The following RSRP1 variants were observed in gnomAD, a reference collection of about 807,000 sequenced individuals.
RSRP1 encodes arginine/serine-rich protein 1.
Under a neutral mutation model 33.0 loss-of-function variants are expected in RSRP1, and 37 were observed. The observed-to-expected ratio is 1.12, with a 90% CI of 0.86 to 1.48. RSRP1 has a LOEUF of 1.48. Among genes scored for constraint, RSRP1 ranks in the 40% most tolerant of loss-of-function variants. The pLI is 0.00. For synonymous variants in RSRP1, 167 were observed against 158.7 expected (o/e 1.05, Z -0.40); for missense variants, 402 against 385.3 (o/e 1.04, Z -0.36).
chr1:25,242,743 C>A (rs760881915), intron 4 of RSRP1, 38 bp from the exon 5 acceptor site: 1 of 1,334,958 alleles, frequency 7.5e-7, no homozygotes, highest in South Asian at 1.2e-5. Context: ...CCCAAACATA[C>A]ATTGTACACT....
At chr1:25,270,830 A>G (rs28435299) in intron 1 of RSRP1, among the ~76,000 whole-genome samples, 117,086 of 129,614 alleles carry the variant, frequency 0.9, 55,410 homozygotes, top group East Asian at 1. Context: ...TATGTAAAGT[A>G]CTTAGAATGG....
At chr1:25,276,255 G>A (rs1557511834) in intron 1 of RSRP1, among the ~76,000 whole-genome samples, 1 of 130,002 alleles carries the variant, frequency 7.7e-6, no homozygotes, top group Admixed American at 7.5e-5. Flanking sequence ...CATGATATCT[G>A]GGGTTTGCTT....
At chr1:25,245,087 G>C in intron 3 of RSRP1, 63 bp downstream of exon 3, 2 of 1,613,472 alleles carry the variant, frequency 1.2e-6, no homozygotes. Context: ...AGATATAAGT[G>C]GCTAATCAGA....
upstream of RSRP1, chr1:25,247,869 C>T (rs1026410381): frequency 1.3e-5 from 2 of 150,684 alleles, no homozygotes; most frequent in Non-Finnish European, 2.9e-5. Context: ...CGCAGCCGGG[C>T]TCGGAGCTGG....
In RSRP1 at chr1:25,261,530, G is replaced by A. The variant is rs1330847323; in HGVS notation, c.-66-14501C>T. Among the ~76,000 whole-genome samples, 5 of 150,800 alleles carry A rather than the reference G, an allele frequency of 3.3e-5. No individual in the cohort carries two copies. The East Asian group carries it at 5.9e-4, about 18-fold the overall frequency. On this transcript the variant is annotated intron_variant, in intron 1 of 1. Coordinates refer to the RSRP1 transcript ENST00000561867. ...CGCCATTCTCTTGCCTCAGTCTCCC[G>A]AGTAGCTGGGCCTACAGGCGCCCGC...
chr1:25,323,594 G>A (rs1644829612), intron 1 of RSRP1, among the ~76,000 whole-genome samples: 1 of 123,580 alleles, frequency 8.1e-6, no homozygotes, highest in African/African-American at 2.8e-5. Flanking sequence ...TGAGTAGCTA[G>A]GACCACAGGT....
In RSRP1 at chr1:25,242,807, T is replaced by G. The variant is rs1046128898; in HGVS notation, c.757-102A>C. 23 of 844,248 alleles carry G rather than the reference T, an allele frequency of 2.7e-5. No homozygotes were observed. In the African/African-American group the frequency reaches 3.7e-4, roughly 14 times the overall value. 52.3% of individuals were successfully genotyped at this position (844,248 alleles called of 1,614,324 possible). A position where few individuals can be genotyped will look rare whatever the true frequency, so the allele number is the denominator to read the frequency against. ...ATCCCATGTATGAGCCTTAGAGATATTATCAATTGCTGGGCGCGGTGGCTC... is the reference window on the plus strand; with the variant it reads ...ATCCCATGTATGAGCCTTAGAGATAGTATCAATTGCTGGGCGCGGTGGCTC... On this transcript the variant is annotated intron_variant, in intron 4 of 4. Transcript: ENST00000243189.
intron 1 of RSRP1, among the ~76,000 whole-genome samples, chr1:25,257,564 G>A (rs886433332): frequency 1.3e-5 from 2 of 151,498 alleles, no homozygotes; most frequent in African/African-American, 2.4e-5. Context: ...GGTTTATTGT[G>A]GGGAATTTTG....
chr1:25,243,445 G>T, intron 4 of RSRP1, 105 bp downstream of exon 4: 2 of 1,369,446 alleles, frequency 1.5e-6, no homozygotes, highest in Non-Finnish European at 2.0e-6. Context: ...TATTTAAAAA[G>T]TGTGTCAGTA....
At chr1:25,244,668 G>A (rs1557482836) in intron 3 of RSRP1, 1 of 1,202,784 alleles carries the variant, frequency 8.3e-7, no homozygotes, top group Non-Finnish European at 1.1e-6. Context: ...AGAGTACACT[G>A]TTAACTGAAA....
At chr1:25,255,288 C>T (rs935566897) in intron 1 of RSRP1, among the ~76,000 whole-genome samples, 2 of 152,166 alleles carry the variant, frequency 1.3e-5, no homozygotes, top group Non-Finnish European at 2.9e-5. Context: ...CCTGCTCCCC[C>T]CAAATCCTTT....
At chr1:25,262,502 G>T (rs370971811) in intron 1 of RSRP1, among the ~76,000 whole-genome samples, 1 of 152,176 alleles carries the variant, frequency 6.6e-6, no homozygotes, top group Non-Finnish European at 1.5e-5. Context: ...CGGATACATA[G>T]ATATATAAAA....
In RSRP1 at chr1:25,267,714, C is replaced by T. The variant is rs1293611425; in HGVS notation, c.-66-20685G>A. 61 of 132,536 alleles carry T rather than the reference C, an allele frequency of 4.6e-4. 10 individuals are homozygous for T. Among genetic ancestry groups the T allele is most frequent in the African/African-American group, 1.5e-3 (58 of 38,754 alleles). The allele number at this position is 132,536 out of a possible 1,614,324, so 8.2% of individuals were successfully genotyped here. A position where few individuals can be genotyped will look rare whatever the true frequency, so the allele number is the denominator to read the frequency against. On this transcript the variant is annotated intron_variant, in intron 1 of 1. Coordinates refer to the RSRP1 transcript ENST00000561867. ...ACCCCTGAGAGGGCTGCGCGGCCGACCCCAGTACTAGAAAACACTCGTCAC... is the reference window on the plus strand; with the variant it reads ...ACCCCTGAGAGGGCTGCGCGGCCGATCCCAGTACTAGAAAACACTCGTCAC...
chr1:25,261,695 C>T (rs1353232123), intron 1 of RSRP1, among the ~76,000 whole-genome samples: 3 of 141,666 alleles, frequency 2.1e-5, no homozygotes, highest in Non-Finnish European at 3.0e-5. Flanking sequence ...TGAGCCACCG[C>T]GCCCAGCAGA....
At chr1:25,252,841 T>A (rs1044109451) in intron 1 of RSRP1, among the ~76,000 whole-genome samples, 1 of 149,308 alleles carries the variant, frequency 6.7e-6, no homozygotes, top group African/African-American at 2.5e-5. Context: ...GGCCTGACCT[T>A]TTTATAGTAT....
rs1476643253 is a variant in RSRP1 at position 25,313,694 on chromosome 1, G to A, written c.-67+24284C>T. 3.8e-5 allele frequency among the ~76,000 whole-genome samples: 5 copies of A among 132,316 alleles called. 2 individuals are homozygous for A. The highest frequency in any genetic ancestry group is 1.0e-4 in the African/African-American group (4 of 38,798). The allele number at this position is 132,316 out of a possible 152,430, so 86.8% of individuals were successfully genotyped here. A position where few individuals can be genotyped will look rare whatever the true frequency, so the allele number is the denominator to read the frequency against. On this transcript the variant is annotated intron_variant, in intron 1 of 1. Coordinates refer to the RSRP1 transcript ENST00000561867. ...GCAGCAGAAAGAGAGGGGGAACTGG[G>A]ACTATGCCTTTATGAAAAAGAGTGG...
intron 1 of RSRP1, chr1:25,329,242 T>C (rs1644934491): frequency 5.1e-6 from 3 of 591,926 alleles, no homozygotes. Flanking sequence ...TCCTTGTTTT[T>C]TTTTTTTTTT....
chr1:25,312,017 G>A (rs1230791175), intron 1 of RSRP1, among the ~76,000 whole-genome samples: 1 of 117,572 alleles, frequency 8.5e-6, no homozygotes, highest in Non-Finnish European at 2.0e-5. Context: ...TGCAATGCCA[G>A]CTTGGGAGAA....
rs1377466455 is a variant in RSRP1 at position 25,280,276 on chromosome 1, C to G, written c.-66-33247G>C. Among the ~76,000 whole-genome samples, 8 of 126,658 alleles carry G rather than the reference C, an allele frequency of 6.3e-5. 2 individuals are homozygous for G. The highest frequency in any genetic ancestry group is 6.1e-4 in the Admixed American group (8 of 13,082). The allele number at this position is 126,658 out of a possible 152,430, so 83.1% of individuals were successfully genotyped here. Reference sequence around the variant, plus strand: ...GGGGCAGCAGCTGTGCCCAATAAAGCCCCCACCCAGGATCCTCTGACTTCC... The same window carrying G: ...GGGGCAGCAGCTGTGCCCAATAAAGGCCCCACCCAGGATCCTCTGACTTCC... On this transcript the variant is annotated intron_variant, in intron 1 of 1. Coordinates refer to the RSRP1 transcript ENST00000561867.
Sources: allele counts gnomAD v4.1 joint callset (sites outside exome capture counted in the v4.1 genomes callset), GRCh38; gene constraint gnomAD v4.1.1; transcripts MANE v1.5; gene names NCBI Gene and HGNC (gene_info 2026-07-23, HGNC 2026-07-21).